Variants in POU2F1 observed in about 807,000 individuals in gnomAD.
POU2F1 encodes POU domain, class 2, transcription factor 1.
A neutral mutation model predicts 84.9 loss-of-function variants in POU2F1; 16 were observed. The observed-to-expected ratio is 0.19, with a 90% CI of 0.13 to 0.29. The LOEUF is 0.29. Among genes scored for constraint, POU2F1 ranks in the 10% least tolerant of loss-of-function variants. The pLI is 1.00. For synonymous variants in POU2F1, 368 were observed against 368.3 expected (o/e 1.00, Z 0.01); for missense variants, 738 against 942.6 (o/e 0.78, Z 2.84).
At chr1:167,242,161 A>T (rs1368790347) in intron 1 of POU2F1, among the ~76,000 whole-genome samples, 1 of 152,164 alleles carries the variant, frequency 6.6e-6, no homozygotes, top group African/African-American at 2.4e-5. Flanking sequence ...CACTTTTATT[A>T]AGTAATTGTG....
chr1:167,249,962 T>C (rs1225128881), intron 1 of POU2F1, among the ~76,000 whole-genome samples: 1 of 152,218 alleles, frequency 6.6e-6, no homozygotes, highest in East Asian at 1.9e-4. Context: ...TAGATACTTA[T>C]TTCATTAACA....
intron 1 of POU2F1, among the ~76,000 whole-genome samples, chr1:167,272,793 A>G (rs1383939913): frequency 6.6e-6 from 1 of 152,146 alleles, no homozygotes; most frequent in Non-Finnish European, 1.5e-5. Flanking sequence ...TCCAAACCGT[A>G]TCATTCTGCC....
rs1211627451 is a variant in POU2F1, at chr1:167,419,491, TTATCACAAG to T, written c.*3683_*3691del. ...GTGAATGTAATTGTGTGAATCCTGC[TTATCACAAG>T]TGGTGCAATTTGGTCATAAACTTTA... On this transcript the variant is annotated 3_prime_UTR_variant, in exon 16 of 16. Transcript: ENST00000367866. 1.3e-5 allele frequency: 2 copies of T among 152,354 alleles called. No homozygotes were observed. The highest frequency in any genetic ancestry group is 1.9e-4 in the East Asian group (1 of 5,196). The allele number at this position is 152,354 out of a possible 1,614,324, so 9.4% of individuals were successfully genotyped here.
chr1:167,352,466 T>A (rs1658643548), intron 2 of POU2F1, among the ~76,000 whole-genome samples: 1 of 152,178 alleles, frequency 6.6e-6, no homozygotes, highest in Non-Finnish European at 1.5e-5. Flanking sequence ...TGAATGAGCA[T>A]TGAATTGGAG....
intron 7 of POU2F1, among the ~76,000 whole-genome samples, chr1:167,381,912 C>T (rs1000350532): frequency 2.0e-5 from 3 of 151,950 alleles, no homozygotes; most frequent in Non-Finnish European, 2.9e-5. Flanking sequence ...GCCTGGCCCT[C>T]TCTTTTTTTA....
At chr1:167,411,878 T>C (rs999281981) in intron 13 of POU2F1, 81 bp from the exon 14 acceptor site, 7 of 1,285,684 alleles carry the variant, frequency 5.4e-6, no homozygotes, top group Middle Eastern at 1.9e-4. Context: ...TTCCATTGAT[T>C]ATAGAGTTTG....
chr1:167,345,177 A>G (rs1658109562), intron 2 of POU2F1, among the ~76,000 whole-genome samples: 1 of 152,216 alleles, frequency 6.6e-6, no homozygotes, highest in Non-Finnish European at 1.5e-5. Context: ...AGTAAAATAA[A>G]TAAATAAGAA....
At chr1:167,409,121 AAG>A (rs1649786454) in intron 13 of POU2F1, among the ~76,000 whole-genome samples, 1 of 152,200 alleles carries the variant, frequency 6.6e-6, no homozygotes, top group Non-Finnish European at 1.5e-5. Context: ...CAGGGTCACA[AAG>A]ATTTTGTCCT....
At chr1:167,227,698 T>C (rs1194982013) in intron 1 of POU2F1, among the ~76,000 whole-genome samples, 1 of 152,140 alleles carries the variant, frequency 6.6e-6, no homozygotes, top group Non-Finnish European at 1.5e-5. Context: ...CTGTAGTCTT[T>C]GGGAATAACA....
At chr1:167,303,227 A>G (rs1654840786) in intron 1 of POU2F1, among the ~76,000 whole-genome samples, 1 of 152,186 alleles carries the variant, frequency 6.6e-6, no homozygotes, top group African/African-American at 2.4e-5. Context: ...GAATAGCACC[A>G]TACGACACAT....
intron 8 of POU2F1, chr1:167,387,373 A>G: frequency 2.6e-6 from 1 of 384,042 alleles, no homozygotes; most frequent in Non-Finnish European, 5.3e-6. Context: ...TGAGAAATGT[A>G]CAGCTACATA....
At chr1:167,265,876 G>A (rs1175603270) in intron 1 of POU2F1, among the ~76,000 whole-genome samples, 3 of 152,206 alleles carry the variant, frequency 2.0e-5, no homozygotes, top group Non-Finnish European at 4.4e-5. Context: ...GTAGTACTTA[G>A]GTTGAGAAAC....
chr1:167,267,842 G>A (rs1197064205), intron 1 of POU2F1, among the ~76,000 whole-genome samples: 1 of 151,756 alleles, frequency 6.6e-6, no homozygotes, highest in Non-Finnish European at 1.5e-5. Flanking sequence ...GGGTTTTACT[G>A]TGTTAGCCAG....
At chr1:167,231,720 AGTAGAATACGAGAGATTTG>A (rs760302049) in intron 1 of POU2F1, among the ~76,000 whole-genome samples, 1 of 152,242 alleles carries the variant, frequency 6.6e-6, no homozygotes, top group Non-Finnish European at 1.5e-5. Flanking sequence ...TAGTTTAATG[AGTAGAATACGAGAGATTTG>A]AAGTACCCCA....
intron 1 of POU2F1, among the ~76,000 whole-genome samples, chr1:167,249,172 T>G (rs1255326142): frequency 7.9e-5 from 12 of 152,156 alleles, no homozygotes; most frequent in African/African-American, 2.9e-4. Context: ...TTGGCATCCT[T>G]TATCTTCTCA....
At chr1:167,284,451 G>T (rs1022218325) in intron 1 of POU2F1, among the ~76,000 whole-genome samples, 3 of 152,082 alleles carry the variant, frequency 2.0e-5, no homozygotes, top group Admixed American at 2.0e-4. Context: ...AACTTAAGCT[G>T]TGTATTGCAC....
intron 1 of POU2F1, among the ~76,000 whole-genome samples, chr1:167,292,412 G>A (rs534423614): frequency 1.3e-5 from 2 of 151,226 alleles, no homozygotes; most frequent in African/African-American, 4.9e-5. Flanking sequence ...AGGACACCAA[G>A]CAAAGCTTTA....
At chr1:167,223,970 G>A (rs1648431657) in intron 1 of POU2F1, among the ~76,000 whole-genome samples, 1 of 152,090 alleles carries the variant, frequency 6.6e-6, no homozygotes, top group Non-Finnish European at 1.5e-5. Flanking sequence ...CTTCTCATAG[G>A]GAAACCATTT....
intron 2 of POU2F1, among the ~76,000 whole-genome samples, chr1:167,358,949 G>A (rs1052566113): frequency 1.3e-5 from 2 of 151,158 alleles, no homozygotes; most frequent in African/African-American, 4.9e-5. Context: ...AAGTTTATAC[G>A]TTACAAAGTG....
Sources: allele counts gnomAD v4.1 joint callset (sites outside exome capture counted in the v4.1 genomes callset), GRCh38; gene constraint gnomAD v4.1.1; transcripts MANE v1.5; gene names NCBI Gene and HGNC (gene_info 2026-07-23, HGNC 2026-07-21).